ZNF398: variants seen among roughly 807,000 people sequenced by gnomAD.
ZNF398 encodes the protein zinc finger DNA binding protein ZER6.
In ZNF398, 18 loss-of-function variants were observed where a neutral mutation model predicts 41.9. That is an observed-to-expected ratio of 0.43 (90% CI 0.30 to 0.64). The LOEUF (loss-of-function observed/expected upper bound fraction) is 0.64. ZNF398 is among the 30% of genes least tolerant of loss of function. The probability of loss-of-function intolerance (pLI) is 0.14; values close to 1 mark genes in which losing one functional copy is unlikely to be tolerated. For missense variants in ZNF398, 669 were observed against 822.8 expected (o/e 0.81, Z 2.29); for synonymous variants, 260 against 308.8 (o/e 0.84, Z 1.66).
At chr7:149,172,460 T>C (rs1308795456) in intron 4 of ZNF398, among the ~76,000 whole-genome samples, 1 of 151,966 alleles carries the variant, frequency 6.6e-6, no homozygotes, top group Non-Finnish European at 1.5e-5. Flanking sequence ...CCCCCCCTTT[T>C]TAAAAATAAA....
At position 149,178,804 on chromosome 7, in the gene ZNF398, G is replaced by A. The variant is rs143485265; in HGVS notation, c.932G>A (p.Arg311His). Reference sequence around the variant, plus strand: ...TCTACATCCATGACACCTTTTGGACGTCCAGCCACTGACCTGCCTGAAGCC... The same window carrying A: ...TCTACATCCATGACACCTTTTGGACATCCAGCCACTGACCTGCCTGAAGCC... ...QQSTSMTPFG[R>H]PATDLPEASE... Residue 311 changes from arginine to histidine, a missense_variant, in exon 6 of 6, where the codon CGT becomes CAT. This residue lies in a region of ZNF398 where 290 missense variants were observed against 292.9 expected (regional missense o/e 0.99). Coordinates refer to ENST00000475153, the MANE Select transcript of ZNF398 (RefSeq NM_170686.3). 9.2e-5 allele frequency: 149 copies of A among 1,614,154 alleles called. No individual in the cohort carries two copies. The highest frequency in any genetic ancestry group is 2.0e-4 in the Admixed American group (12 of 60,012).
chr7:149,155,737 T>A (rs1394835032), intron 2 of ZNF398, among the ~76,000 whole-genome samples: 46 of 111,570 alleles, frequency 4.1e-4, no homozygotes, highest in East Asian at 1.1e-3. Flanking sequence ...TTTAATTTTT[T>A]TTTTTTTGAG....
At chr7:149,172,631 TTCTA>T (rs1795371306) in intron 4 of ZNF398, among the ~76,000 whole-genome samples, 1 of 152,314 alleles carries the variant, frequency 6.6e-6, no homozygotes, top group East Asian at 1.9e-4. Flanking sequence ...AGAACAAATC[TTCTA>T]TCTGTGAAAC....
At chr7:149,148,760 C>T (rs1395053381) in intron 1 of ZNF398, among the ~76,000 whole-genome samples, 4 of 152,108 alleles carry the variant, frequency 2.6e-5, no homozygotes, top group Admixed American at 1.3e-4. Flanking sequence ...ACCCGCGGCC[C>T]CCAGGCCGCA....
chr7:149,167,619 T>C (rs1795250810), intron 4 of ZNF398, among the ~76,000 whole-genome samples: 2 of 151,732 alleles, frequency 1.3e-5, no homozygotes, highest in Admixed American at 6.6e-5. Context: ...ATAGTTATTT[T>C]TTTCTTTTTC....
chr7:149,133,764 G>GT (rs1826654566), intron 2 of ZNF398, among the ~76,000 whole-genome samples: 3 of 89,648 alleles, frequency 3.3e-5, no homozygotes, highest in Middle Eastern at 6.0e-3. Context: ...TTTTTTTTTT[G>GT]TTTTTTTGAG....
chr7:149,149,004 C>A (rs1410812375), intron 1 of ZNF398, among the ~76,000 whole-genome samples: 3 of 149,698 alleles, frequency 2.0e-5, no homozygotes, highest in Non-Finnish European at 3.0e-5. Context: ...CTAGGCGTCA[C>A]GTTTAAAAAG....
Position 149,178,673 on chromosome 7 carries a change from A to G in ZNF398, c.801A>G (p.Glu267=). 6.2e-7 allele frequency: 1 copy of G among 1,613,836 alleles called. No homozygotes were observed. Among genetic ancestry groups the G allele is most frequent in the South Asian group, 1.1e-5 (1 of 91,064 alleles). The change falls in exon 6 of 6, where the codon GAA becomes GAG. Residue 267 remains glutamate (E), a synonymous_variant. Coordinates refer to ENST00000475153, the MANE Select transcript of ZNF398 (RefSeq NM_170686.3). ...YADEELVIKA[E]GLARSSLCPE... ...ATGAAGAGCTTGTCATCAAAGCTGA[A>G]GGCCTTGCTAGATCCTCGTTGTGCC...
At chr7:149,137,007 C>T (rs1047354645) in intron 2 of ZNF398, among the ~76,000 whole-genome samples, 9 of 151,740 alleles carry the variant, frequency 5.9e-5, no homozygotes, top group African/African-American at 2.2e-4. Context: ...GCTGGGATTA[C>T]AGGCACCCAC....
In ZNF398 at chr7:149,179,437, G is replaced by A. The variant is rs1013965037; in HGVS notation, c.1565G>A (p.Arg522His). The A allele has an allele frequency of 1.9e-6, 3 of 1,614,000 alleles. No individual in the cohort carries two copies. The highest frequency in any genetic ancestry group is 1.1e-5 in the South Asian group (1 of 91,086). ...ACTGACTGCAGTAAGAGCTTCATGC[G>A]CAAGGAGCACCTGCTGAACCACCGG... ...PCTDCSKSFM[R>H]KEHLLNHRRL... The change falls in exon 6 of 6, where the codon CGC (arginine) becomes CAC (histidine). Residue 522 changes from arginine (R) to histidine (H), a missense_variant. Coordinates refer to ENST00000475153, the MANE Select transcript of ZNF398 (RefSeq NM_170686.3). This position sits in a 1 kb window ranked among gnomAD's most constrained non-coding sequence, Gnocchi z 6.1.
At chr7:149,178,410 G>A (rs992723117) in intron 5 of ZNF398, among the ~76,000 whole-genome samples, 10 of 152,164 alleles carry the variant, frequency 6.6e-5, no homozygotes, top group East Asian at 1.9e-4. Context: ...CTGAGGTCAC[G>A]CCACTGTACT....
In ZNF398 at chr7:149,166,233, G is replaced by A; in HGVS notation, c.496G>A (p.Glu166Lys). ...GGAAAAATTAGAAGAATGGCAAAAG[G>A]AACTTTACAAGAATATCATGAAGGG... ...EWEKLEEWQK[E>K]LYKNIMKGNY... The change falls in exon 3 of 6, where the codon GAA (glutamate) becomes AAA (lysine). Residue 166 changes from glutamate to lysine, a missense_variant. By Grantham distance (56) the Glu-to-Lys change is moderately conservative (BLOSUM62 1). This residue lies in a region of ZNF398 where 169 missense variants were observed against 239.5 expected (regional missense o/e 0.71). Coordinates refer to ENST00000475153, the MANE Select transcript of ZNF398 (RefSeq NM_170686.3). 1 of 1,614,072 alleles carries A rather than the reference G, an allele frequency of 6.2e-7. No homozygotes were observed. Among genetic ancestry groups the A allele is most frequent in the Non-Finnish European group, 8.5e-7 (1 of 1,180,006 alleles).
upstream of ZNF398, among the ~76,000 whole-genome samples, chr7:149,142,749 C>G (rs1451423181): frequency 1.3e-5 from 2 of 152,152 alleles, no homozygotes; most frequent in Non-Finnish European, 2.9e-5. Context: ...TACAGAGGAG[C>G]AATTATTAAT....
At position 149,147,596 on chromosome 7, in the gene ZNF398, G is replaced by GT. The variant is rs1241260306; in HGVS notation, c.-146dup. On this transcript the variant is annotated 5_prime_UTR_variant, in exon 1 of 6. Transcript: ENST00000475153. The surrounding 1 kb of genome is among the most constrained non-coding windows in gnomAD (Gnocchi z 5.6). Reference sequence around the variant, plus strand: ...GCGCGTCCCGAGCCCCGACGGCCGCGTGAGTCCCGTCCGTGCGGGGAAGGC... The same window carrying GT: ...GCGCGTCCCGAGCCCCGACGGCCGCGTTGAGTCCCGTCCGTGCGGGGAAGGC... 1 of 918,846 alleles carries GT rather than the reference G, an allele frequency of 1.1e-6. No individual in the cohort carries two copies. Among genetic ancestry groups the GT allele is most frequent in the African/African-American group, 1.7e-5 (1 of 57,504 alleles). 56.9% of individuals were successfully genotyped at this position (918,846 alleles called of 1,614,324 possible).
chr7:149,150,150 G>C (rs759428874), intron 1 of ZNF398, among the ~76,000 whole-genome samples: 9 of 152,200 alleles, frequency 5.9e-5, no homozygotes, highest in Admixed American at 1.3e-4. Context: ...TTACTGATAA[G>C]TTTGAAGCAA....
At position 149,178,915 on chromosome 7, in the gene ZNF398, G is replaced by T. The variant is rs776673581; in HGVS notation, c.1043G>T (p.Cys348Phe). 3 of 1,614,146 alleles carry T rather than the reference G, an allele frequency of 1.9e-6. No individual in the cohort carries two copies. Among genetic ancestry groups the T allele is most frequent in the Non-Finnish European group, 2.5e-6 (3 of 1,180,028 alleles). Residue 348 changes from cysteine (C) to phenylalanine (F), a missense_variant, in exon 6 of 6, where the codon TGT becomes TTT. By Grantham distance (205) the Cys-to-Phe change is radical (BLOSUM62 -2). This residue lies in a region of ZNF398 where 290 missense variants were observed against 292.9 expected (regional missense o/e 0.99). Coordinates refer to ENST00000475153, the MANE Select transcript of ZNF398 (RefSeq NM_170686.3). ...VGEQVFSCHH[C>F]GKNLSQDMLL... ...GAGCAGGTGTTCTCATGCCACCACTGTGGCAAGAATCTCAGCCAAGACATG... is the reference window on the plus strand; with the variant it reads ...GAGCAGGTGTTCTCATGCCACCACTTTGGCAAGAATCTCAGCCAAGACATG...
At chr7:149,151,324 TG>T in intron 1 of ZNF398, 1 of 1,102,128 alleles carries the variant, frequency 9.1e-7, no homozygotes, top group Non-Finnish European at 1.1e-6. Context: ...TGGAAGTGAC[TG>T]ATGTGATCAA....
chr7:149,130,427 G>T (rs570231357), intron 2 of ZNF398, among the ~76,000 whole-genome samples: 1 of 152,152 alleles, frequency 6.6e-6, no homozygotes, highest in Non-Finnish European at 1.5e-5. Flanking sequence ...GAATAGAGCT[G>T]CTATAAACAT....
intron 4 of ZNF398, among the ~76,000 whole-genome samples, chr7:149,169,270 C>T (rs933341969): frequency 9.9e-5 from 15 of 151,332 alleles, no homozygotes; most frequent in Admixed American, 6.6e-4. Context: ...TTTTTAGTAA[C>T]GATGGGGTTT....
Sources: gnomAD v4.1 joint callset for allele counts (sites outside exome capture counted in the v4.1 genomes callset) on GRCh38, gnomAD v4.1.1 for gene constraint, gnomAD v4.1.1 regional missense constraint, Gnocchi (gnomAD v3.1) non-coding constraint, MANE v1.5 for transcripts, NCBI Gene and HGNC (gene_info 2026-07-23, HGNC 2026-07-21) for gene names.